The following PARD3B variants were observed in gnomAD, a reference collection of about 807,000 sequenced individuals.
PARD3B encodes the protein partitioning defective 3 homolog B.
Under a neutral mutation model 130.2 loss-of-function variants are expected in PARD3B, and 103 were observed. The ratio of observed to expected loss-of-function variants is 0.79; its 90% CI spans 0.67 to 0.93. The LOEUF (loss-of-function observed/expected upper bound fraction) is 0.93, where lower values mean the gene tolerates loss of function less well. Ranked by LOEUF, PARD3B falls within the 40% of genes least tolerant of loss-of-function variation. The probability of loss-of-function intolerance (pLI) is 0.00; values close to 1 mark genes in which losing one functional copy is unlikely to be tolerated. For synonymous variants in PARD3B, 583 were observed against 553.2 expected (o/e 1.05, Z -0.76); for missense variants, 1,609 against 1,499.2 (o/e 1.07, Z -1.21).
At chr2:204,657,233 A>G (rs2035669008) in intron 1 of PARD3B, among the ~76,000 whole-genome samples, 1 of 152,184 alleles carries the variant, frequency 6.6e-6, no homozygotes. Context: ...CCATACATTA[A>G]GAATTGTGAG....
intron 20 of PARD3B, among the ~76,000 whole-genome samples, chr2:205,457,020 T>C (rs951962840): frequency 6.6e-6 from 1 of 151,750 alleles, no homozygotes; most frequent in Non-Finnish European, 1.5e-5. Context: ...GTAAGGAAAG[T>C]ATTACCTCCC....
intron 2 of PARD3B, among the ~76,000 whole-genome samples, chr2:204,696,264 C>T (rs753061781): frequency 6.6e-6 from 1 of 151,698 alleles, no homozygotes; most frequent in African/African-American, 2.4e-5. Context: ...CATGATTTAA[C>T]GGAAGAAAAA....
At chr2:205,097,230 T>C (rs1383508759) in intron 4 of PARD3B, among the ~76,000 whole-genome samples, 3 of 152,152 alleles carry the variant, frequency 2.0e-5, no homozygotes, top group Non-Finnish European at 4.4e-5. Flanking sequence ...GACATTATTA[T>C]AGGTTTTTGT....
intron 20 of PARD3B, among the ~76,000 whole-genome samples, chr2:205,496,699 A>T (rs2049937696): frequency 6.6e-6 from 1 of 152,086 alleles, no homozygotes; most frequent in Non-Finnish European, 1.5e-5. Context: ...ATATTTTTAA[A>T]TTTATGCATT....
intron 16 of PARD3B, among the ~76,000 whole-genome samples, chr2:205,294,619 TTAAAA>T (rs1330189669): frequency 6.6e-6 from 1 of 152,178 alleles, no homozygotes; most frequent in African/African-American, 2.4e-5. Context: ...TAGTTTCACT[TTAAAA>T]TAAAGTATTT....
intron 18 of PARD3B, among the ~76,000 whole-genome samples, chr2:205,368,865 A>C (rs79188144): frequency 0.6 from 90,287 of 151,162 alleles, 30,320 homozygotes; most frequent in South Asian, 0.77. Flanking sequence ...GAAAACAAAA[A>C]AAAAAAAAAC....
At chr2:205,119,718 G>T (rs1283673333) in intron 7 of PARD3B, among the ~76,000 whole-genome samples, 1 of 152,096 alleles carries the variant, frequency 6.6e-6, no homozygotes, top group Non-Finnish European at 1.5e-5. Context: ...GGGGACAGAG[G>T]TTGCGGTGAG....
intron 15 of PARD3B, among the ~76,000 whole-genome samples, chr2:205,199,884 G>A (rs955027095): frequency 2.6e-5 from 4 of 151,780 alleles, no homozygotes; most frequent in Admixed American, 6.6e-5. Context: ...AGACAAGGAA[G>A]CAAATGATCA....
chr2:205,163,112 C>T (rs1408892398), intron 11 of PARD3B, among the ~76,000 whole-genome samples: 1 of 152,114 alleles, frequency 6.6e-6, no homozygotes, highest in African/African-American at 2.4e-5. Flanking sequence ...GAATAAAAGT[C>T]CCATGAAGTC....
intron 2 of PARD3B, among the ~76,000 whole-genome samples, chr2:204,724,527 G>C (rs907258060): frequency 2.0e-5 from 3 of 152,086 alleles, no homozygotes; most frequent in African/African-American, 7.2e-5. Flanking sequence ...GCTTTTCACT[G>C]TTTTGGGTGA....
intron 21 of PARD3B, among the ~76,000 whole-genome samples, chr2:205,531,163 A>T (rs557330445): frequency 3.3e-5 from 5 of 152,180 alleles, no homozygotes; most frequent in Non-Finnish European, 7.3e-5. Flanking sequence ...ACCATAATTT[A>T]TACTAATTAG....
intron 18 of PARD3B, among the ~76,000 whole-genome samples, chr2:205,363,860 T>C (rs2044493131): frequency 1.2e-5 from 1 of 84,420 alleles, no homozygotes; most frequent in African/African-American, 4.5e-5. Context: ...TTTTTTTTTT[T>C]TTCGCCATGT....
At chr2:204,690,069 G>A (rs1376281909) in intron 2 of PARD3B, among the ~76,000 whole-genome samples, 5 of 152,028 alleles carry the variant, frequency 3.3e-5, no homozygotes, top group African/African-American at 1.2e-4. Context: ...TTTGCCTATA[G>A]CCTGCATCTA....
intron 3 of PARD3B, among the ~76,000 whole-genome samples, chr2:204,965,690 T>A (rs1691179383): frequency 6.6e-6 from 1 of 152,206 alleles, no homozygotes; most frequent in Non-Finnish European, 1.5e-5. Flanking sequence ...TAAAGGTCAC[T>A]TTATTTTCTT....
chr2:204,686,465 G>A (rs1275901668), intron 2 of PARD3B, among the ~76,000 whole-genome samples, 183 bp downstream of exon 2: 1 of 152,166 alleles, frequency 6.6e-6, no homozygotes, highest in Non-Finnish European at 1.5e-5. Flanking sequence ...CTGTGTTAAG[G>A]TTTGGGAATC....
chr2:204,901,485 G>T (rs970333149), intron 2 of PARD3B, among the ~76,000 whole-genome samples: 33 of 151,410 alleles, frequency 2.2e-4, no homozygotes, highest in African/African-American at 8.0e-4. Context: ...TCTCCCTTTA[G>T]GGCAGAGGGC....
At chr2:205,498,790 T>C (rs1033288719) in intron 20 of PARD3B, among the ~76,000 whole-genome samples, 2 of 152,188 alleles carry the variant, frequency 1.3e-5, no homozygotes, top group Admixed American at 6.5e-5. Context: ...TCAGCTGAAG[T>C]GTCACCTCCT....
chr2:204,662,167 G>T (rs1016639702), intron 1 of PARD3B, among the ~76,000 whole-genome samples: 1 of 152,174 alleles, frequency 6.6e-6, no homozygotes, highest in African/African-American at 2.4e-5. Flanking sequence ...AATATTCATA[G>T]ATTGAGTTAT....
chr2:205,384,902 C>CT (rs1464974226), intron 18 of PARD3B, among the ~76,000 whole-genome samples: 2 of 152,126 alleles, frequency 1.3e-5, no homozygotes, highest in Admixed American at 1.3e-4. Context: ...CCCTCATACT[C>CT]TGTTTCTGGG....
Sources: allele counts gnomAD v4.1 joint callset (sites outside exome capture counted in the v4.1 genomes callset), GRCh38; gene constraint gnomAD v4.1.1; transcripts MANE v1.5; gene names NCBI Gene and HGNC (gene_info 2026-07-23, HGNC 2026-07-21).